KLHL1: variants seen among roughly 807,000 people sequenced by gnomAD.
The protein encoded by KLHL1 is kelch like family member 1.
Under a neutral mutation model 77.7 loss-of-function variants are expected in KLHL1, and 47 were observed. The observed-to-expected ratio is 0.60, with a 90% confidence interval of 0.48 to 0.77. The LOEUF is 0.77. Among genes scored for constraint, KLHL1 ranks in the 30% least tolerant of loss-of-function variants. The pLI is 0.00. For missense variants in KLHL1, 925 were observed against 910.8 expected (o/e 1.02, Z -0.20); for synonymous variants, 360 against 325.2 (o/e 1.11, Z -1.15).
At chr13:70,025,755 C>T (rs1010354413) in intron 1 of KLHL1, among the ~76,000 whole-genome samples, 15 of 151,582 alleles carry the variant, frequency 9.9e-5, no homozygotes, top group African/African-American at 3.2e-4. Context: ...TATGTACAGG[C>T]ATATATATTT....
At chr13:69,922,985 G>T (rs1882692023) in intron 4 of KLHL1, among the ~76,000 whole-genome samples, 1 of 152,098 alleles carries the variant, frequency 6.6e-6, no homozygotes, top group Admixed American at 6.6e-5. Context: ...CATTGCAAAT[G>T]AATTTCAATA....
intron 4 of KLHL1, among the ~76,000 whole-genome samples, chr13:69,884,592 A>C (rs1291677800): frequency 6.6e-6 from 1 of 152,156 alleles, no homozygotes; most frequent in Non-Finnish European, 1.5e-5. Context: ...TGTCATAAAA[A>C]ACAGCTCTAT....
intron 5 of KLHL1, among the ~76,000 whole-genome samples, chr13:69,856,616 T>C (rs1205787487): frequency 1.3e-5 from 2 of 152,042 alleles, no homozygotes; most frequent in Non-Finnish European, 2.9e-5. Flanking sequence ...ATTTTGCTCA[T>C]CTGTCTGTTA....
chr13:70,083,038 A>C (rs1593729592), intron 1 of KLHL1, among the ~76,000 whole-genome samples: 1 of 152,328 alleles, frequency 6.6e-6, no homozygotes, highest in East Asian at 1.9e-4. Flanking sequence ...AAACAGTGTT[A>C]AGAAAAATAA....
At chr13:69,813,268 GAAC>G (rs1455197266) in intron 6 of KLHL1, among the ~76,000 whole-genome samples, 1 of 150,494 alleles carries the variant, frequency 6.6e-6, no homozygotes, top group Non-Finnish European at 1.5e-5. Flanking sequence ...GGTGGGAATT[GAAC>G]AATGAGAACA....
intron 4 of KLHL1, among the ~76,000 whole-genome samples, chr13:69,912,988 T>G (rs1174779715): frequency 6.6e-6 from 1 of 152,092 alleles, no homozygotes; most frequent in Admixed American, 6.6e-5. Flanking sequence ...CCTTTTGACC[T>G]CAAATGATAT....
intron 9 of KLHL1, among the ~76,000 whole-genome samples, 159 bp from the exon 10 acceptor site, chr13:69,707,955 A>G (rs1443226671): frequency 6.6e-6 from 1 of 152,010 alleles, no homozygotes; most frequent in East Asian, 1.9e-4. Flanking sequence ...ATGAACATCC[A>G]TTATGTCTAG....
intron 2 of KLHL1, among the ~76,000 whole-genome samples, chr13:69,965,747 A>ACACT (rs1392062853): frequency 1.3e-5 from 2 of 152,204 alleles, no homozygotes; most frequent in African/African-American, 4.8e-5. Context: ...ACTCTAGTGA[A>ACACT]CACTCAAATA....
intron 8 of KLHL1, among the ~76,000 whole-genome samples, chr13:69,734,991 A>C (rs930788646): frequency 6.6e-6 from 1 of 152,092 alleles, no homozygotes; most frequent in Non-Finnish European, 1.5e-5. Context: ...TTTATAAGCA[A>C]CTTTGATGCA....
chr13:69,978,917 A>G (rs1670034729), intron 1 of KLHL1, among the ~76,000 whole-genome samples: 1 of 152,158 alleles, frequency 6.6e-6, no homozygotes, highest in Admixed American at 6.6e-5. Context: ...AGAGTGAGAT[A>G]AGTAGAATAG....
intron 7 of KLHL1, among the ~76,000 whole-genome samples, chr13:69,788,909 A>T (rs1290552957): frequency 6.6e-6 from 1 of 152,122 alleles, no homozygotes; most frequent in Non-Finnish European, 1.5e-5. Context: ...TTCTAATGAT[A>T]TTACAATGGC....
At position 70,038,150 on chromosome 13, in the gene KLHL1, A is replaced by G. The variant is rs564185135; in HGVS notation, c.498-62348T>C. ...TTCAAGAATGCTATGTATAAATTTA[A>G]TATACAGTAAAGTGACCTTTGAGAT... is the stretch of plus-strand genomic sequence containing the variant. On this transcript the variant is annotated intron_variant, in intron 1 of 10. Transcript: ENST00000377844. 1.7e-3 allele frequency among the ~76,000 whole-genome samples: 253 copies of G among 152,328 alleles called. 1 individual carries two copies. The highest frequency in any genetic ancestry group is 5.9e-3 in the African/African-American group (247 of 41,578).
intron 8 of KLHL1, among the ~76,000 whole-genome samples, chr13:69,735,298 T>C (rs1310633332): frequency 6.6e-6 from 1 of 151,422 alleles, no homozygotes; most frequent in African/African-American, 2.4e-5. Flanking sequence ...ACTATAAAGG[T>C]TTTCAATTAA....
intron 5 of KLHL1, among the ~76,000 whole-genome samples, chr13:69,862,632 G>A (rs1051459772): frequency 7.2e-5 from 11 of 152,010 alleles, no homozygotes; most frequent in Admixed American, 3.9e-4. Context: ...ATGTTGAAGC[G>A]TTAACCTCAA....
At chr13:69,773,023 T>C (rs1004914240) in intron 7 of KLHL1, among the ~76,000 whole-genome samples, 2 of 151,972 alleles carry the variant, frequency 1.3e-5, no homozygotes, top group Admixed American at 6.6e-5. Context: ...CATTTGATGT[T>C]TTGTAGACCA....
intron 3 of KLHL1, among the ~76,000 whole-genome samples, chr13:69,955,900 TTATA>T (rs1338629356): frequency 1.5e-5 from 2 of 135,604 alleles, no homozygotes; most frequent in Admixed American, 8.0e-5. Context: ...TTTGATATAT[TTATA>T]TATATTTGAT....
chr13:69,710,803 TTTG>T (rs1274509898), intron 9 of KLHL1, among the ~76,000 whole-genome samples: 3 of 151,982 alleles, frequency 2.0e-5, no homozygotes, highest in African/African-American at 4.8e-5. Flanking sequence ...GCCAGGTTTG[TTTG>T]TTTGTTTGTT....
intron 7 of KLHL1, among the ~76,000 whole-genome samples, chr13:69,782,353 C>A (rs898687792): frequency 4.6e-5 from 7 of 152,214 alleles, no homozygotes; most frequent in Non-Finnish European, 1.0e-4. Context: ...CTAGCCGAAG[C>A]AGGGCAAGGC....
At chr13:69,947,586 G>A (rs987983027) in intron 3 of KLHL1, among the ~76,000 whole-genome samples, 14 of 151,794 alleles carry the variant, frequency 9.2e-5, no homozygotes, top group Admixed American at 4.6e-4. Context: ...ATTTTCACAA[G>A]ATATATGTAG....
Sources: allele counts gnomAD v4.1 joint callset (sites outside exome capture counted in the v4.1 genomes callset), GRCh38; gene constraint gnomAD v4.1.1; transcripts MANE v1.5; gene names NCBI Gene and HGNC (gene_info 2026-07-23, HGNC 2026-07-21).